The following ADGRL2 variants were observed in gnomAD, a reference collection of about 807,000 sequenced individuals.
ADGRL2 encodes the protein adhesion G protein-coupled receptor L2, also known as calcium-independent alpha-latrotoxin receptor 2.
ADGRL2 carries 44 observed loss-of-function variants against 157.4 expected under a neutral mutation model. That is an observed-to-expected ratio of 0.28 (90% CI 0.22 to 0.36). ADGRL2 has a LOEUF of 0.36. Among genes scored for constraint, ADGRL2 ranks in the 10% least tolerant of loss-of-function variants. ADGRL2 has a pLI of 1.00. For synonymous variants in ADGRL2, 585 were observed against 624.7 expected (o/e 0.94, Z 0.95); for missense variants, 1,510 against 1,768.9 (o/e 0.85, Z 2.63).
chr1:81,890,911 G>A (rs1039657946), intron 2 of ADGRL2, among the ~76,000 whole-genome samples: 3 of 152,072 alleles, frequency 2.0e-5, no homozygotes, highest in Non-Finnish European at 2.9e-5. Flanking sequence ...CTCCTGGGCC[G>A]AGTGCCTTTT....
intron 1 of ADGRL2, among the ~76,000 whole-genome samples, chr1:81,713,587 T>C (rs2084009855): frequency 6.6e-6 from 1 of 152,216 alleles, no homozygotes; most frequent in African/African-American, 2.4e-5. Flanking sequence ...TTAAGTAAAC[T>C]GCACAGCAAT....
intron 3 of ADGRL2, among the ~76,000 whole-genome samples, chr1:81,911,496 A>T (rs2094720619): frequency 6.6e-6 from 1 of 152,142 alleles, no homozygotes. Flanking sequence ...AAAGTGATAC[A>T]CTGGATTATA....
intron 2 of ADGRL2, among the ~76,000 whole-genome samples, chr1:81,865,438 C>A (rs889478149): frequency 1.3e-5 from 2 of 152,178 alleles, no homozygotes; most frequent in Non-Finnish European, 2.9e-5. Context: ...CACATAAATT[C>A]TATTTTAAAG....
chr1:81,967,840 C>A (rs1448516241), intron 13 of ADGRL2, among the ~76,000 whole-genome samples, 186 bp from the exon 14 acceptor site: 2 of 152,124 alleles, frequency 1.3e-5, no homozygotes, highest in Admixed American at 1.3e-4. Flanking sequence ...GTCTTTCGGA[C>A]TATAAAGCCC....
intron 10 of ADGRL2, among the ~76,000 whole-genome samples, chr1:81,954,291 G>A (rs902760063): frequency 4.6e-5 from 7 of 151,772 alleles, no homozygotes; most frequent in Non-Finnish European, 8.8e-5. Context: ...CCCACTAGAC[G>A]AGTACAAATA....
upstream of ADGRL2, among the ~76,000 whole-genome samples, chr1:81,695,822 CAAA>C (rs36057272): frequency 1.6e-5 from 2 of 123,372 alleles, no homozygotes; most frequent in Admixed American, 8.5e-5. Flanking sequence ...GACTCTGTTT[CAAA>C]AAAAAAAAAA....
intron 2 of ADGRL2, among the ~76,000 whole-genome samples, chr1:81,773,456 C>T (rs2086456128): frequency 6.6e-6 from 1 of 152,060 alleles, no homozygotes; most frequent in Non-Finnish European, 1.5e-5. Flanking sequence ...GAAGCCTTGC[C>T]TTGACTAGAG....
rs959537272 is a variant in ADGRL2, at chr1:81,574,513, A to G, written c.-247-6363A>G. On this transcript the variant is annotated intron_variant, in intron 2 of 24. Transcript: ENST00000370721. Reference sequence around the variant, plus strand: ...GAGCCCAGTACAATATGCTTCCCGCAGCTGACACTGGCTGGTCACTTTATT... The same window carrying G: ...GAGCCCAGTACAATATGCTTCCCGCGGCTGACACTGGCTGGTCACTTTATT... Among the ~76,000 whole-genome samples the G allele has an allele frequency of 2.0e-5, 3 of 152,200 alleles. No individual in the cohort carries two copies. In the South Asian group the frequency reaches 6.2e-4, roughly 32 times the overall value.
At chr1:81,368,446 A>C (rs934780004) in intron 1 of ADGRL2, among the ~76,000 whole-genome samples, 3 of 152,108 alleles carry the variant, frequency 2.0e-5, no homozygotes, top group Admixed American at 6.6e-5. Context: ...AGTGTTAGCT[A>C]TCTCTACCTC....
At position 81,953,018 on chromosome 1, in the gene ADGRL2, A is replaced by G. The variant is rs1652344474; in HGVS notation, c.1826A>G (p.Tyr609Cys). The G allele has an allele frequency of 1.2e-6, 2 of 1,611,798 alleles. No individual in the cohort carries two copies. The highest frequency in any genetic ancestry group is 1.7e-6 in the Non-Finnish European group (2 of 1,179,180). ...AAACGAGAGAAGACATGCAGGGCTT[A>G]CCTTAAGGTATCTCTCCTGTGCTGT... ...LQKREKTCRA[Y>C]LKAIVDTVDN... Residue 609 changes from tyrosine (Y) to cysteine (C), a missense_variant, in exon 10 of 24, where the codon TAC becomes TGC. Tyr to Cys is a radical substitution (Grantham distance 194). Transcript: ENST00000686636.
chr1:81,315,649 G>T (rs981729923), intron 1 of ADGRL2, among the ~76,000 whole-genome samples: 3 of 151,860 alleles, frequency 2.0e-5, no homozygotes, highest in Non-Finnish European at 4.4e-5. Context: ...CTTCTCTTAC[G>T]TCACTATTTT....
intron 3 of ADGRL2, among the ~76,000 whole-genome samples, chr1:81,927,443 A>G (rs1272186034): frequency 6.6e-6 from 1 of 152,038 alleles, no homozygotes; most frequent in Non-Finnish European, 1.5e-5. Flanking sequence ...TTAAAAAATC[A>G]GGATTATATT....
chr1:81,327,780 C>T (rs1047227192), intron 1 of ADGRL2, among the ~76,000 whole-genome samples: 3 of 152,158 alleles, frequency 2.0e-5, no homozygotes, highest in Non-Finnish European at 4.4e-5. Context: ...TTGTATACAA[C>T]TTAGCCCTCT....
intron 1 of ADGRL2, among the ~76,000 whole-genome samples, chr1:81,716,839 GT>G (rs2084134299): frequency 6.6e-6 from 1 of 152,174 alleles, no homozygotes; most frequent in African/African-American, 2.4e-5. Flanking sequence ...AATATTTAAA[GT>G]GGTTAAGAAA....
chr1:81,353,031 T>C (rs1663025742), intron 1 of ADGRL2, among the ~76,000 whole-genome samples: 1 of 152,190 alleles, frequency 6.6e-6, no homozygotes, highest in South Asian at 2.1e-4. Flanking sequence ...ATCTAATGTA[T>C]AATGAATGCT....
intron 3 of ADGRL2, among the ~76,000 whole-genome samples, chr1:81,641,154 TA>T (rs1331786832): frequency 6.6e-6 from 1 of 152,192 alleles, no homozygotes; most frequent in Non-Finnish European, 1.5e-5. Flanking sequence ...GAGATCTTTT[TA>T]AAAATATATA....
chr1:81,771,804 G>A (rs1490254391), intron 2 of ADGRL2, among the ~76,000 whole-genome samples: 1 of 152,186 alleles, frequency 6.6e-6, no homozygotes, highest in Admixed American at 6.5e-5. Context: ...GGAAAAAAAA[G>A]GGAGGGTAAG....
At chr1:81,853,676 T>C (rs2093099323) in intron 2 of ADGRL2, among the ~76,000 whole-genome samples, 1 of 152,152 alleles carries the variant, frequency 6.6e-6, no homozygotes, top group Admixed American at 6.6e-5. Context: ...TAAAGAAATA[T>C]TAAAGATGAT....
At position 81,540,224 on chromosome 1, in the gene ADGRL2, A is replaced by C. The variant is rs529989069; in HGVS notation, c.-247-40652A>C. ...AAACTTTTTTCCTAAAAATTTTGCAATCTGTTCATTGTAGGTGATTGATTT... is the reference window on the plus strand; with the variant it reads ...AAACTTTTTTCCTAAAAATTTTGCACTCTGTTCATTGTAGGTGATTGATTT... On this transcript the variant is annotated intron_variant, in intron 2 of 24. Coordinates refer to the ADGRL2 transcript ENST00000370721. 5.3e-5 allele frequency among the ~76,000 whole-genome samples: 8 copies of C among 152,326 alleles called. No individual in the cohort carries two copies. The South Asian group carries it at 1.7e-3, about 32-fold the overall frequency.
Sources: gnomAD v4.1 joint callset for allele counts (sites outside exome capture counted in the v4.1 genomes callset) on GRCh38, gnomAD v4.1.1 for gene constraint, MANE v1.5 for transcripts, NCBI Gene and HGNC (gene_info 2026-07-23, HGNC 2026-07-21) for gene names.